The following SUMF1 variants were observed in gnomAD, a reference collection of about 807,000 sequenced individuals.
SUMF1 encodes the protein sulfatase modifying factor 1, also known as formylglycine-generating enzyme.
In SUMF1, 48 loss-of-function variants were observed where a neutral mutation model predicts 47.6. That is an observed-to-expected ratio of 1.01 (90% CI 0.80 to 1.28). The LOEUF (loss-of-function observed/expected upper bound fraction) is 1.28, where lower values mean the gene tolerates loss of function less well. Among genes scored for constraint, SUMF1 ranks in the 50% most tolerant of loss-of-function variants. The probability of loss-of-function intolerance (pLI) is 0.00; values close to 1 mark genes in which losing one functional copy is unlikely to be tolerated. For missense variants in SUMF1, 571 were observed against 485.4 expected (o/e 1.18, Z -1.66); for synonymous variants, 230 against 192.1 (o/e 1.20, Z -1.63).
At chr3:4,308,457 A>G (rs1264764515) in intron 8 of SUMF1, among the ~76,000 whole-genome samples, 2 of 152,262 alleles carry the variant, frequency 1.3e-5, no homozygotes, top group African/African-American at 4.8e-5. Context: ...TAAATATAAC[A>G]TCTAAAAGTA....
chr3:4,219,504 C>T (rs563614297), intron 8 of SUMF1, among the ~76,000 whole-genome samples: 45 of 152,266 alleles, frequency 3.0e-4, no homozygotes, highest in African/African-American at 9.9e-4. Context: ...TTCAAATTCC[C>T]TTATATCTAC....
intron 8 of SUMF1, among the ~76,000 whole-genome samples, chr3:4,152,489 C>T (rs1040544404): frequency 2.0e-5 from 3 of 150,468 alleles, no homozygotes; most frequent in African/African-American, 7.5e-5. Context: ...TCTGATGTCT[C>T]GTCATAGTGT....
chr3:4,165,867 C>T (rs199795603), intron 8 of SUMF1, among the ~76,000 whole-genome samples: 50,492 of 142,376 alleles, frequency 0.35, 9,646 homozygotes, highest in East Asian at 0.44. Flanking sequence ...TTGTTTCCCC[C>T]CCCCCCCCGA....
intron 8 of SUMF1, among the ~76,000 whole-genome samples, chr3:4,179,381 A>G (rs2125132066): frequency 6.6e-6 from 1 of 152,218 alleles, no homozygotes; most frequent in African/African-American, 2.4e-5. Context: ...AAATACCACA[A>G]CACATCTACA....
downstream of SUMF1, among the ~76,000 whole-genome samples, chr3:4,360,335 CT>C (rs1699720275): frequency 2.0e-5 from 2 of 102,222 alleles, no homozygotes; most frequent in Admixed American, 1.0e-4. Flanking sequence ...TTTTTTTTTT[CT>C]TTTTTTCCTG....
At chr3:4,409,118 G>A (rs1043428037) in intron 7 of SUMF1, among the ~76,000 whole-genome samples, 5 of 152,146 alleles carry the variant, frequency 3.3e-5, no homozygotes, top group Admixed American at 6.5e-5. Flanking sequence ...TCACAATGTG[G>A]CAAAGAGAGG....
chr3:4,149,237 T>A (rs986425566), intron 8 of SUMF1, among the ~76,000 whole-genome samples: 7 of 152,062 alleles, frequency 4.6e-5, no homozygotes, highest in Non-Finnish European at 8.8e-5. Flanking sequence ...CTCAAATAAA[T>A]TAACAGCAAT....
intron 8 of SUMF1, among the ~76,000 whole-genome samples, chr3:4,243,620 C>CTGAGAGTT (rs1015527111): frequency 1.3e-5 from 2 of 152,112 alleles, no homozygotes; most frequent in Admixed American, 6.5e-5. Context: ...CCACTGTGGT[C>CTGAGAGTT]TGAGAGAGAG....
At chr3:4,464,988 G>A (rs149701037) in intron 1 of SUMF1, among the ~76,000 whole-genome samples, 40 of 152,312 alleles carry the variant, frequency 2.6e-4, no homozygotes, top group African/African-American at 8.9e-4. Flanking sequence ...TCTTGTAAAT[G>A]TAATCCAAAA....
intron 8 of SUMF1, among the ~76,000 whole-genome samples, chr3:4,206,728 G>A (rs143325673): frequency 2.0e-4 from 31 of 152,196 alleles, no homozygotes; most frequent in African/African-American, 7.2e-4. Flanking sequence ...AGTTGTTCAA[G>A]TTTGGTGACT....
At chr3:4,063,102 G>T (rs77499184) in intron 9 of SUMF1, among the ~76,000 whole-genome samples, 3 of 151,992 alleles carry the variant, frequency 2.0e-5, no homozygotes, top group African/African-American at 7.3e-5. Context: ...ATGCCAATGC[G>T]ATCTGAGAGA....
In SUMF1 at chr3:4,246,042, C is replaced by T. The variant is rs190435040; in HGVS notation, c.1014+130288G>A. Among the ~76,000 whole-genome samples the T allele has an allele frequency of 1.2e-4, 19 of 152,324 alleles. 1 individual carries two copies. Among genetic ancestry groups the T allele is most frequent in the African/African-American group, 3.4e-4 (14 of 41,576 alleles). On this transcript the variant is annotated intron_variant and NMD_transcript_variant, in intron 8 of 12. Transcript: ENST00000448413. ...TGCTGCACTAGCAGCGAGCAAGGCT[C>T]CGTGGGTGTGGGAACCGCCAAGCCA... is the stretch of plus-strand genomic sequence containing the variant.
chr3:4,187,660 T>C, intron 8 of SUMF1, among the ~76,000 whole-genome samples: 1 of 152,194 alleles, frequency 6.6e-6, no homozygotes, highest in East Asian at 1.9e-4. Flanking sequence ...TAAATAATCC[T>C]GCATCTATTC....
intron 8 of SUMF1, among the ~76,000 whole-genome samples, chr3:4,176,867 T>C (rs1250178331): frequency 6.6e-6 from 1 of 151,538 alleles, no homozygotes; most frequent in African/African-American, 2.4e-5. Context: ...ATGGAAAGCA[T>C]AAAAAAGCAG....
downstream of SUMF1, among the ~76,000 whole-genome samples, chr3:4,359,456 C>A (rs190189202): frequency 6.2e-4 from 94 of 152,184 alleles, no homozygotes; most frequent in East Asian, 7.7e-4. Flanking sequence ...TTTGATTTTT[C>A]ATTTTTTGTA....
intron 8 of SUMF1, among the ~76,000 whole-genome samples, chr3:4,221,252 A>G (rs1302184922): frequency 6.6e-6 from 1 of 152,164 alleles, no homozygotes; most frequent in Non-Finnish European, 1.5e-5. Flanking sequence ...ACTAAGATGA[A>G]CAACACATGT....
rs528222048 is a variant in SUMF1 at position 4,048,563 on chromosome 3, A to G, written c.1191+20006T>C. Among the ~76,000 whole-genome samples the G allele has an allele frequency of 4.0e-4, 61 of 151,852 alleles. No individual in the cohort carries two copies. In the South Asian group the frequency reaches 0.013, roughly 31 times the overall value. On this transcript the variant is annotated intron_variant and NMD_transcript_variant, in intron 9 of 12. Coordinates refer to the SUMF1 transcript ENST00000448413. ...TCCCCCTGTTATAAGTCCTCATAGC[A>G]CCATGTGCTTCTTTATAGCCCCCAC...
intron 9 of SUMF1, among the ~76,000 whole-genome samples, chr3:4,062,540 G>A (rs1695294508): frequency 6.6e-6 from 1 of 152,138 alleles, no homozygotes; most frequent in African/African-American, 2.4e-5. Flanking sequence ...AATCGTATAG[G>A]TTTGAAGAAG....
chr3:4,136,907 C>G (rs1356405174), intron 8 of SUMF1, among the ~76,000 whole-genome samples: 1 of 152,054 alleles, frequency 6.6e-6, no homozygotes, highest in African/African-American at 2.4e-5. Flanking sequence ...AAATGCAAAT[C>G]AAAACCACAA....
Sources: gnomAD v4.1 joint callset for allele counts (sites outside exome capture counted in the v4.1 genomes callset) on GRCh38, gnomAD v4.1.1 for gene constraint, MANE v1.5 for transcripts, NCBI Gene and HGNC (gene_info 2026-07-23, HGNC 2026-07-21) for gene names.